The following CSMD1 variants were observed in gnomAD, a reference collection of about 807,000 sequenced individuals.
CSMD1 encodes the protein CUB and Sushi multiple domains 1.
In CSMD1, 213 loss-of-function variants were observed where a neutral mutation model predicts 417.5. The observed-to-expected ratio is 0.51, with a 90% confidence interval of 0.46 to 0.57. CSMD1 has a LOEUF of 0.57. Among genes scored for constraint, CSMD1 ranks in the 20% least tolerant of loss-of-function variants. CSMD1 has a pLI of 0.00. For missense variants in CSMD1, 6,923 were observed against 4,529.7 expected (o/e 1.53, Z -15.17); for synonymous variants, 2,862 against 1,736.8 (o/e 1.65, Z -16.11).
chr8:3,932,186 T>A (rs897755083), intron 5 of CSMD1, among the ~76,000 whole-genome samples: 14 of 150,474 alleles, frequency 9.3e-5, no homozygotes, highest in Admixed American at 3.3e-4. Context: ...CTGTAGACAC[T>A]GTTTCATCGA....
chr8:3,020,027 A>G (rs979522257), intron 51 of CSMD1, among the ~76,000 whole-genome samples: 1 of 152,248 alleles, frequency 6.6e-6, no homozygotes, highest in Non-Finnish European at 1.5e-5. Flanking sequence ...CCTTATTCAC[A>G]GTAAACCACA....
chr8:4,031,625 G>C (rs72624012), intron 4 of CSMD1, among the ~76,000 whole-genome samples: 1 of 152,076 alleles, frequency 6.6e-6, no homozygotes, highest in South Asian at 2.1e-4. Flanking sequence ...TGTGGTCCAA[G>C]CATGACTTTT....
At chr8:4,861,747 G>T (rs1802144176) in intron 1 of CSMD1, among the ~76,000 whole-genome samples, 1 of 151,992 alleles carries the variant, frequency 6.6e-6, no homozygotes, top group Non-Finnish European at 1.5e-5. Context: ...TACAAAGGAT[G>T]TACATTTTGA....
intron 5 of CSMD1, among the ~76,000 whole-genome samples, chr8:3,832,546 T>C (rs1435995331): frequency 6.6e-6 from 1 of 152,184 alleles, no homozygotes; most frequent in East Asian, 1.9e-4. Context: ...TTATTGTATA[T>C]GTCTGAAGCA....
intron 5 of CSMD1, among the ~76,000 whole-genome samples, chr8:3,760,267 C>T (rs1176849240): frequency 6.6e-6 from 1 of 152,144 alleles, no homozygotes; most frequent in Non-Finnish European, 1.5e-5. Context: ...TGGTTGTTCC[C>T]ACTTTTTTCC....
At chr8:4,464,853 C>T (rs1487896071) in intron 2 of CSMD1, among the ~76,000 whole-genome samples, 1 of 152,118 alleles carries the variant, frequency 6.6e-6, no homozygotes, top group Admixed American at 6.6e-5. Context: ...CCAATTTACC[C>T]TGCTGTGTTA....
chr8:4,821,552 C>A (rs1334824431), intron 1 of CSMD1, among the ~76,000 whole-genome samples: 1 of 152,112 alleles, frequency 6.6e-6, no homozygotes, highest in Non-Finnish European at 1.5e-5. Flanking sequence ...AAACTTAAAG[C>A]ATCATTGAAA....
chr8:4,116,199 G>A (rs1400005298), intron 3 of CSMD1, among the ~76,000 whole-genome samples: 2 of 151,854 alleles, frequency 1.3e-5, no homozygotes, highest in East Asian at 3.9e-4. Flanking sequence ...TCCCCATGTT[G>A]GCCAGGCTGG....
intron 1 of CSMD1, among the ~76,000 whole-genome samples, chr8:4,832,806 C>T (rs1193700610): frequency 1.3e-5 from 2 of 152,110 alleles, no homozygotes. Context: ...AGACATTCAT[C>T]CTCAGGGTCA....
intron 2 of CSMD1, among the ~76,000 whole-genome samples, chr8:4,623,804 TGA>T (rs1801926466): frequency 2.6e-5 from 4 of 152,006 alleles, no homozygotes; most frequent in African/African-American, 9.7e-5. Flanking sequence ...TAATTCATAG[TGA>T]CAGAAAACAG....
chr8:4,453,685 C>T (rs1192779722), intron 2 of CSMD1, among the ~76,000 whole-genome samples: 3 of 152,052 alleles, frequency 2.0e-5, no homozygotes, highest in Non-Finnish European at 4.4e-5. Context: ...AGTCTACAGA[C>T]CATGCCTGCT....
At chr8:3,502,780 T>A (rs28404968) in intron 10 of CSMD1, among the ~76,000 whole-genome samples, 2,777 of 152,288 alleles carry the variant, frequency 0.018, 27 homozygotes, top group Middle Eastern at 0.068. Flanking sequence ...GTTATAATGG[T>A]GGACACTGAC....
chr8:4,203,710 A>C (rs565917784), intron 3 of CSMD1, among the ~76,000 whole-genome samples: 1 of 152,134 alleles, frequency 6.6e-6, no homozygotes, highest in East Asian at 1.9e-4. Flanking sequence ...AAACATACAC[A>C]CACATACACA....
At position 3,052,480 on chromosome 8, in the gene CSMD1, T is replaced by C. The variant is rs1811884889; in HGVS notation, c.7642A>G (p.Lys2548Glu). 2 of 1,583,074 alleles carry C rather than the reference T, an allele frequency of 1.3e-6. No individual in the cohort carries two copies. Among genetic ancestry groups the C allele is most frequent in the African/African-American group, 2.7e-5 (2 of 74,398 alleles). The change falls in exon 50 of 70, where the codon AAG (lysine) becomes GAG (glutamate). Residue 2548 changes from lysine to glutamate, a missense_variant. By Grantham distance (56) the Lys-to-Glu change is moderately conservative. Coordinates refer to ENST00000635120, the MANE Select transcript of CSMD1 (RefSeq NM_033225.6). ...QEDGLWSNKG[K>E]PPTCKPVACP... is the part of the protein sequence containing the mutation. The stretch of plus-strand genomic sequence containing the variant: ...CACTTACGCTTACACGTGGGCGGCT[T>C]CCCCTTGTTACTCCACAACCCATCT...
intron 2 of CSMD1, among the ~76,000 whole-genome samples, chr8:4,559,831 A>G (rs917031637): frequency 6.6e-5 from 10 of 152,206 alleles, no homozygotes; most frequent in Non-Finnish European, 1.5e-4. Context: ...GTGAAATTCT[A>G]TTCATCTTAC....
At chr8:2,995,903 G>A (rs867492254) in intron 54 of CSMD1, among the ~76,000 whole-genome samples, 3 of 152,178 alleles carry the variant, frequency 2.0e-5, no homozygotes, top group African/African-American at 7.2e-5. Flanking sequence ...TAAGAATGAG[G>A]TTGGGATGCG....
chr8:4,903,035 A>G (rs901837429), intron 1 of CSMD1, among the ~76,000 whole-genome samples: 5 of 117,468 alleles, frequency 4.3e-5, no homozygotes, highest in Admixed American at 3.2e-4. Context: ...AAATAAATAA[A>G]TAATAAACTA....
At chr8:4,855,400 C>A (rs1273153828) in intron 1 of CSMD1, among the ~76,000 whole-genome samples, 2 of 152,262 alleles carry the variant, frequency 1.3e-5, no homozygotes, top group South Asian at 2.1e-4. Context: ...AGCAACGGAA[C>A]AAAGCTGGAT....
intron 6 of CSMD1, among the ~76,000 whole-genome samples, chr8:3,731,760 C>G (rs928018095): frequency 1.3e-5 from 2 of 152,054 alleles, no homozygotes; most frequent in Non-Finnish European, 2.9e-5. Flanking sequence ...TGAGCAATAC[C>G]AATATTAATG....
Sources: allele counts gnomAD v4.1 joint callset (sites outside exome capture counted in the v4.1 genomes callset), GRCh38; gene constraint gnomAD v4.1.1; transcripts MANE v1.5; gene names NCBI Gene and HGNC (gene_info 2026-07-23, HGNC 2026-07-21).